Variants in KALRN observed in about 807,000 individuals in gnomAD.
KALRN encodes kalirin RhoGEF kinase, also known as kalirin.
KALRN carries 70 observed loss-of-function variants against 353.7 expected under a neutral mutation model. That is an observed-to-expected ratio of 0.20 (90% CI 0.16 to 0.24). KALRN has a LOEUF of 0.24. KALRN is among the 10% of genes least tolerant of loss of function. The probability of loss-of-function intolerance (pLI) is 1.00; values close to 1 mark genes in which losing one functional copy is unlikely to be tolerated. For missense variants in KALRN, 2,791 were observed against 3,756.7 expected (o/e 0.74, Z 6.72); for synonymous variants, 1,391 against 1,434.8 (o/e 0.97, Z 0.69).
chr3:124,583,521 G>T (rs2074824854), intron 34 of KALRN, among the ~76,000 whole-genome samples: 1 of 152,186 alleles, frequency 6.6e-6, no homozygotes, highest in African/African-American at 2.4e-5. Context: ...CGAGGGGATG[G>T]TGAATGGAAG....
rs75007082 is a variant in KALRN, at chr3:124,391,382, C to T, written c.1963-3753C>T. Among the ~76,000 whole-genome samples the T allele has an allele frequency of 2.9e-3, 445 of 152,226 alleles. 4 individuals are homozygous for T. Among genetic ancestry groups the T allele is most frequent in the African/African-American group, 9.9e-3 (413 of 41,524 alleles). On this transcript the variant is annotated intron_variant, in intron 11 of 59. Coordinates refer to ENST00000682506, the MANE Select transcript of KALRN (RefSeq NM_001388419.1). ...GTGGAAGACAGTGGGGGAAAAAACA[C>T]GCGTGGTTGCTGCTGCCAAGCTACC...
chr3:124,529,192 C>G (rs937695184), intron 33 of KALRN, among the ~76,000 whole-genome samples: 2 of 152,162 alleles, frequency 1.3e-5, no homozygotes, highest in Non-Finnish European at 2.9e-5. Context: ...AGTACCTATG[C>G]TAGTATCTGA....
chr3:124,035,877 G>T (rs992407620), intron 1 of KALRN, among the ~76,000 whole-genome samples: 8 of 152,262 alleles, frequency 5.3e-5, no homozygotes, highest in African/African-American at 1.2e-4. Flanking sequence ...TCAGAGAAAG[G>T]TTAAGTCATT....
At chr3:124,135,204 G>A (rs2065786232) in intron 1 of KALRN, among the ~76,000 whole-genome samples, 1 of 152,158 alleles carries the variant, frequency 6.6e-6, no homozygotes, top group African/African-American at 2.4e-5. Context: ...CCCTAAAAAG[G>A]AATGAATTAA....
At chr3:124,167,225 C>G (rs998987516) in intron 1 of KALRN, among the ~76,000 whole-genome samples, 1 of 152,154 alleles carries the variant, frequency 6.6e-6, no homozygotes, top group East Asian at 1.9e-4. Context: ...TGACCTGTGG[C>G]TCCTATGAAA....
At chr3:124,614,908 A>G (rs1199196891) in intron 34 of KALRN, among the ~76,000 whole-genome samples, 2 of 152,212 alleles carry the variant, frequency 1.3e-5, no homozygotes, top group East Asian at 1.9e-4. Flanking sequence ...TCTGTCTTCA[A>G]TGGAGTAGAA....
At chr3:124,547,185 G>T (rs773641626) in intron 33 of KALRN, among the ~76,000 whole-genome samples, 2 of 151,934 alleles carry the variant, frequency 1.3e-5, no homozygotes, top group Non-Finnish European at 2.9e-5. Context: ...TTTTTATAGA[G>T]GCAAGGATCT....
intron 34 of KALRN, among the ~76,000 whole-genome samples, chr3:124,590,366 G>C (rs1328621146): frequency 2.6e-5 from 4 of 152,080 alleles, no homozygotes; most frequent in Non-Finnish European, 5.9e-5. Context: ...TGTAGGCAAT[G>C]GTTCCATAGG....
chr3:124,553,057 C>T lies in KALRN; in HGVS notation c.4936-9786C>T, dbSNP rs140729178. 3.9e-4 allele frequency among the ~76,000 whole-genome samples: 60 copies of T among 152,318 alleles called. No homozygotes were observed. In the East Asian group the frequency reaches 7.3e-3, roughly 19 times the overall value. ...CTAGGATTACAGGCGTGAGCCACCGCGCCCAGCCCTGGAAATGGATTTCTA... is the reference window on the plus strand; with the variant it reads ...CTAGGATTACAGGCGTGAGCCACCGTGCCCAGCCCTGGAAATGGATTTCTA... On this transcript the variant is annotated intron_variant, in intron 33 of 59. Transcript: ENST00000682506.
chr3:124,097,536 G>A (rs565927818), intron 1 of KALRN, among the ~76,000 whole-genome samples: 2 of 152,346 alleles, frequency 1.3e-5, no homozygotes, highest in South Asian at 4.1e-4. Flanking sequence ...TAATGGATGA[G>A]CTGTATGCTG....
intron 1 of KALRN, among the ~76,000 whole-genome samples, chr3:124,040,995 C>T (rs2039904667): frequency 6.6e-6 from 1 of 152,102 alleles, no homozygotes; most frequent in African/African-American, 2.4e-5. Flanking sequence ...TTCATTCATT[C>T]ATTTAATCAT....
intron 32 of KALRN, among the ~76,000 whole-genome samples, chr3:124,493,399 T>C (rs1374277345): frequency 6.6e-6 from 1 of 152,164 alleles, no homozygotes; most frequent in Non-Finnish European, 1.5e-5. Context: ...AGCAACGTCA[T>C]TGGGCAGAAG....
chr3:124,482,485 C>A (rs2062085986), intron 27 of KALRN, among the ~76,000 whole-genome samples: 1 of 151,836 alleles, frequency 6.6e-6, no homozygotes, highest in Non-Finnish European at 1.5e-5. Flanking sequence ...TCTCTCCTTA[C>A]CCTCCGCTCT....
At chr3:124,243,713 C>A (rs983127414) in intron 3 of KALRN, among the ~76,000 whole-genome samples, 3 of 152,148 alleles carry the variant, frequency 2.0e-5, no homozygotes, top group Admixed American at 6.5e-5. Context: ...CAGAATCCTC[C>A]CCTCTGGGAG....
rs568616341 is a variant in KALRN at position 124,331,420 on chromosome 3, C to A, written c.1416+1428C>A. ...AGCTAACCAAACACCACCTGTTCCC[C>A]AAAACTATTTAAATAAATAAATCAA... is the stretch of plus-strand genomic sequence containing the variant. On this transcript the variant is annotated intron_variant, in intron 8 of 59. Coordinates refer to ENST00000682506, the MANE Select transcript of KALRN (RefSeq NM_001388419.1). 2.0e-3 allele frequency among the ~76,000 whole-genome samples: 307 copies of A among 152,036 alleles called. 1 individual carries two copies. The highest frequency in any genetic ancestry group is 6.9e-3 in the African/African-American group (287 of 41,448).
intron 1 of KALRN, among the ~76,000 whole-genome samples, chr3:124,136,265 G>C (rs1335680452): frequency 6.6e-6 from 1 of 152,020 alleles, no homozygotes; most frequent in Non-Finnish European, 1.5e-5. Flanking sequence ...GCACACATCA[G>C]AATAATCTGG....
chr3:124,562,248 G>A (rs1050090462), intron 33 of KALRN, among the ~76,000 whole-genome samples: 8 of 152,260 alleles, frequency 5.3e-5, no homozygotes, highest in African/African-American at 1.7e-4. Flanking sequence ...TCGTAGCCTC[G>A]ATTTTAGGCT....
chr3:124,358,193 TA>T (rs534497619), intron 10 of KALRN, among the ~76,000 whole-genome samples: 160 of 151,528 alleles, frequency 1.1e-3, no homozygotes, highest in Non-Finnish European at 1.4e-3. Flanking sequence ...TAAAGAAAGC[TA>T]AAAAAAAATT....
intron 10 of KALRN, among the ~76,000 whole-genome samples, chr3:124,360,586 G>A (rs1243591977): frequency 4.6e-5 from 7 of 152,218 alleles, no homozygotes; most frequent in Admixed American, 2.6e-4. Context: ...CTCTCAGAGA[G>A]CATTGGCATG....
Sources: allele counts gnomAD v4.1 joint callset (sites outside exome capture counted in the v4.1 genomes callset), GRCh38; gene constraint gnomAD v4.1.1; transcripts MANE v1.5; gene names NCBI Gene and HGNC (gene_info 2026-07-23, HGNC 2026-07-21).